Variants in GFRA1 observed in about 807,000 individuals in gnomAD.
GFRA1 encodes the protein GDNF family receptor alpha 1, also known as GDNF family receptor alpha-1.
GFRA1 carries 16 observed loss-of-function variants against 51.6 expected under a neutral mutation model. The observed-to-expected ratio is 0.31, with a 90% CI of 0.21 to 0.47. The LOEUF (loss-of-function observed/expected upper bound fraction) is 0.47. GFRA1 is among the 20% of genes least tolerant of loss of function. GFRA1 has a pLI of 1.00. For missense variants in GFRA1, 530 were observed against 594.3 expected (o/e 0.89, Z 1.13); for synonymous variants, 270 against 241.3 (o/e 1.12, Z -1.10).
At chr10:116,229,344 A>G (rs1966538820) in intron 4 of GFRA1, among the ~76,000 whole-genome samples, 2 of 152,124 alleles carry the variant, frequency 1.3e-5, no homozygotes, top group African/African-American at 4.8e-5. Context: ...CGAAAACTCA[A>G]GTATTTCTGT....
intron 6 of GFRA1, among the ~76,000 whole-genome samples, chr10:116,104,985 G>A (rs546421501): frequency 6.6e-6 from 1 of 152,284 alleles, no homozygotes; most frequent in South Asian, 2.1e-4. Context: ...TGGGAGCACA[G>A]AAAGATCTCC....
intron 9 of GFRA1, among the ~76,000 whole-genome samples, chr10:116,076,435 C>CAAAA (rs540689836): frequency 6.7e-6 from 1 of 150,202 alleles, no homozygotes; most frequent in Non-Finnish European, 1.5e-5. Context: ...GAATGAGAAA[C>CAAAA]AAAAAAAAAG....
intron 9 of GFRA1, among the ~76,000 whole-genome samples, chr10:116,076,615 T>C (rs1464382994): frequency 6.6e-6 from 1 of 152,134 alleles, no homozygotes; most frequent in African/African-American, 2.4e-5. Flanking sequence ...GAACCCCAGG[T>C]CACCAGACTG....
At chr10:116,195,261 T>C (rs534333114) in intron 5 of GFRA1, among the ~76,000 whole-genome samples, 1 of 152,346 alleles carries the variant, frequency 6.6e-6, no homozygotes, top group Admixed American at 6.5e-5. Context: ...TTTTTTGTTA[T>C]GCTTTCACAG....
At chr10:116,090,186 C>T (rs979074524) in intron 8 of GFRA1, among the ~76,000 whole-genome samples, 5 of 152,120 alleles carry the variant, frequency 3.3e-5, no homozygotes, top group South Asian at 2.1e-4. Flanking sequence ...TTCCTGTTTA[C>T]GTGCCAGGTG....
At chr10:116,235,497 C>T (rs974460883) in intron 4 of GFRA1, among the ~76,000 whole-genome samples, 5 of 152,290 alleles carry the variant, frequency 3.3e-5, no homozygotes, top group Admixed American at 2.0e-4. Flanking sequence ...TCACCACCCA[C>T]CACCATCACC....
chr10:116,232,619 T>C (rs1208671340), intron 4 of GFRA1, among the ~76,000 whole-genome samples: 1 of 152,186 alleles, frequency 6.6e-6, no homozygotes, highest in East Asian at 1.9e-4. Flanking sequence ...ACATTCGGCA[T>C]AGATAGAGAG....
chr10:116,203,996 G>T (rs1272898890), intron 5 of GFRA1, among the ~76,000 whole-genome samples: 2 of 152,216 alleles, frequency 1.3e-5, no homozygotes, highest in Non-Finnish European at 2.9e-5. Context: ...GAACAAGCCT[G>T]GGTCTGGCGT....
chr10:116,112,767 G>A (rs17094114), intron 6 of GFRA1, among the ~76,000 whole-genome samples: 21,065 of 152,224 alleles, frequency 0.14, 1,601 homozygotes, highest in East Asian at 0.21. Context: ...CACAGCTGAC[G>A]GTAGATGCTC....
intron 6 of GFRA1, among the ~76,000 whole-genome samples, chr10:116,101,019 C>T (rs1233217290): frequency 6.6e-6 from 1 of 152,096 alleles, no homozygotes; most frequent in Non-Finnish European, 1.5e-5. Flanking sequence ...GTGTTGAGTT[C>T]CTGATGCTGT....
intron 8 of GFRA1, 143 bp from the exon 9 acceptor site, chr10:116,090,065 T>C: frequency 2.5e-6 from 2 of 789,588 alleles, no homozygotes; most frequent in Non-Finnish European, 4.2e-6. Flanking sequence ...CCATTTGCCC[T>C]ATACATGCTG....
chr10:116,243,211 G>C (rs1038525889), intron 4 of GFRA1, among the ~76,000 whole-genome samples: 1 of 152,142 alleles, frequency 6.6e-6, no homozygotes, highest in Non-Finnish European at 1.5e-5. Flanking sequence ...CTCCAATGCA[G>C]CCCCAAACTA....
rs1555158857 is a variant in GFRA1 at position 116,148,078 on chromosome 10, G to GCGTGTGTGCA, written c.434-22522_434-22521insTGCACACACG. Among the ~76,000 whole-genome samples the GCGTGTGTGCA allele has an allele frequency of 4.9e-3, 179 of 36,846 alleles. 1 individual carries two copies. The highest frequency in any genetic ancestry group is 0.048 in the East Asian group (48 of 990). 24.2% of individuals were successfully genotyped at this position (36,846 alleles called of 152,430 possible). ...TGCATGTGTGCATGCGTGTGTGCAT[G>GCGTGTGTGCA]TGTGTGTGTGCATGCGTGTGTGCAT... On this transcript the variant is annotated intron_variant, in intron 5 of 10. Coordinates refer to ENST00000355422, the MANE Select transcript of GFRA1 (RefSeq NM_005264.8).
chr10:116,065,487 G>A (rs1034658710), intron 10 of GFRA1, 86 bp downstream of exon 10: 12 of 1,072,262 alleles, frequency 1.1e-5, no homozygotes, highest in Non-Finnish European at 1.6e-5. Flanking sequence ...TCTTGTCTTT[G>A]AATGCTTTAT....
In GFRA1 at chr10:116,125,334, G is replaced by C. The variant is rs781107507; in HGVS notation, c.657C>G (p.Ile219Met). The part of the protein sequence containing the change: ...YGMLFCSCRD[I>M]ACTERRRQTI... ...TCTGTCGCCTCCGCTCTGTGCAGGCGATGTCCCGGCAGGAGCAGAAGAGCA... is the reference window on the plus strand; with the variant it reads ...TCTGTCGCCTCCGCTCTGTGCAGGCCATGTCCCGGCAGGAGCAGAAGAGCA... Residue 219 changes from isoleucine to methionine, a missense_variant, in exon 6 of 11, where the codon ATC becomes ATG. Ile to Met is a conservative substitution (Grantham distance 10). Coordinates refer to ENST00000355422, the MANE Select transcript of GFRA1 (RefSeq NM_005264.8). 3.1e-6 allele frequency: 5 copies of C among 1,614,210 alleles called. No individual in the cohort carries two copies. The South Asian group carries it at 5.5e-5, about 18-fold the overall frequency.
intron 9 of GFRA1, among the ~76,000 whole-genome samples, chr10:116,079,182 C>A (rs1015693838): frequency 6.6e-6 from 1 of 152,064 alleles, no homozygotes; most frequent in Admixed American, 6.5e-5. Flanking sequence ...CATCTGCAAC[C>A]TGGAAGAGAG....
rs189816933 is a variant in GFRA1 at position 116,207,708 on chromosome 10, T to C, written c.433+3923A>G. 2.0e-5 allele frequency among the ~76,000 whole-genome samples: 3 copies of C among 152,092 alleles called. No homozygotes were observed. The East Asian group carries it at 5.8e-4, about 29-fold the overall frequency. On this transcript the variant is annotated intron_variant, in intron 5 of 10. Coordinates refer to ENST00000355422, the MANE Select transcript of GFRA1 (RefSeq NM_005264.8). ...GCTTTTTAAAATCTGAAGACACATATAGGAATATTTTAATAATGTCTTGAT... is the reference window on the plus strand; with the variant it reads ...GCTTTTTAAAATCTGAAGACACATACAGGAATATTTTAATAATGTCTTGAT...
At chr10:116,161,603 C>A (rs1959802795) in intron 5 of GFRA1, among the ~76,000 whole-genome samples, 1 of 152,112 alleles carries the variant, frequency 6.6e-6, no homozygotes, top group South Asian at 2.1e-4. Context: ...GAGCAGTTTC[C>A]CCCATACTGT....
chr10:116,120,965 TTG>T (rs1459809382), intron 6 of GFRA1, among the ~76,000 whole-genome samples: 136 of 152,230 alleles, frequency 8.9e-4, no homozygotes, highest in African/African-American at 3.1e-3. Flanking sequence ...CCCTCTTTGC[TTG>T]GCACTGGAAG....
Sources: gnomAD v4.1 joint callset for allele counts (sites outside exome capture counted in the v4.1 genomes callset) on GRCh38, gnomAD v4.1.1 for gene constraint, MANE v1.5 for transcripts, NCBI Gene and HGNC (gene_info 2026-07-23, HGNC 2026-07-21) for gene names.